Variants in RIC8B observed in about 807,000 individuals in gnomAD.
RIC8B encodes the protein chaperone Ric-8B.
A neutral mutation model predicts 57.5 loss-of-function variants in RIC8B; 16 were observed. That is an observed-to-expected ratio of 0.28 (90% CI 0.19 to 0.42). The LOEUF (loss-of-function observed/expected upper bound fraction) is 0.42. Among genes scored for constraint, RIC8B ranks in the 10% least tolerant of loss-of-function variants. The pLI is 1.00. For synonymous variants in RIC8B, 216 were observed against 250.8 expected (o/e 0.86, Z 1.31); for missense variants, 481 against 677.0 (o/e 0.71, Z 3.21).
At position 106,879,347 on chromosome 12, in the gene RIC8B, G is replaced by A. The variant is rs537016343; in HGVS notation, c.1572-6557G>A. The A allele has an allele frequency of 3.0e-6, 3 of 985,228 alleles. No homozygotes were observed. In the South Asian group the frequency reaches 1.4e-4, roughly 46 times the overall value. The allele number at this position is 985,228 out of a possible 1,614,324, so 61.0% of individuals were successfully genotyped here. ...CTGACCTATTCTATATTGTGCGATT[G>A]GGTATGTTAGTATCTGAACCCCAAT... On this transcript the variant is annotated intron_variant, in intron 9 of 9. Coordinates refer to ENST00000392837, the MANE Select transcript of RIC8B (RefSeq NM_001330145.2). This position sits in a 1 kb window ranked among gnomAD's most constrained non-coding sequence, Gnocchi z 4.9.
At chr12:106,800,044 T>G (rs1368258227) in intron 2 of RIC8B, among the ~76,000 whole-genome samples, 1 of 152,150 alleles carries the variant, frequency 6.6e-6, no homozygotes, top group African/African-American at 2.4e-5. Flanking sequence ...TAACCACTTC[T>G]TTGTATGCAT....
At chr12:106,825,442 C>T (rs1159844630) in intron 3 of RIC8B, among the ~76,000 whole-genome samples, 1 of 151,944 alleles carries the variant, frequency 6.6e-6, no homozygotes, top group Non-Finnish European at 1.5e-5. Flanking sequence ...ATAGAAAAAA[C>T]GAATTTAGGC....
chr12:106,816,664 A>G (rs959088411), intron 3 of RIC8B, among the ~76,000 whole-genome samples: 4 of 152,186 alleles, frequency 2.6e-5, no homozygotes, highest in African/African-American at 9.7e-5. Flanking sequence ...TATTTAAATT[A>G]TACCCAAAAT....
chr12:106,843,723 C>CAAA (rs11384376), intron 5 of RIC8B, 129 bp from the exon 6 acceptor site: 306 of 256,402 alleles, frequency 1.2e-3, no homozygotes, highest in East Asian at 1.8e-3. Flanking sequence ...CTCCCTCTCC[C>CAAA]AAAAAAAAAA....
At chr12:106,778,509 G>A (rs976503542) in intron 1 of RIC8B, among the ~76,000 whole-genome samples, 2 of 152,110 alleles carry the variant, frequency 1.3e-5, no homozygotes, top group Non-Finnish European at 2.9e-5. Context: ...TTTATTGAGT[G>A]CCTGCTATGT....
At chr12:106,809,912 T>A (rs2045255455) in intron 2 of RIC8B, among the ~76,000 whole-genome samples, 1 of 152,190 alleles carries the variant, frequency 6.6e-6, no homozygotes, top group East Asian at 1.9e-4. Flanking sequence ...CCTGTTGGGC[T>A]ACTGAACACT....
Position 106,851,544 on chromosome 12 carries a change from G to A in RIC8B, c.1256G>A (p.Gly419Glu). 1.2e-6 allele frequency: 2 copies of A among 1,613,368 alleles called. No individual in the cohort carries two copies. Among genetic ancestry groups the A allele is most frequent in the East Asian group, 2.2e-5 (1 of 44,860 alleles). ...LVRLMTHVDL[G>E]VKQIAAEFLF... is the part of the protein sequence containing the mutation. ...CGCCTCATGACACATGTTGACCTTGGAGTCAAGCAAATTGCTGCTGAATTC... is the reference window on the plus strand; with the variant it reads ...CGCCTCATGACACATGTTGACCTTGAAGTCAAGCAAATTGCTGCTGAATTC... Residue 419 changes from glycine to glutamate, a missense_variant, in exon 7 of 10, where the codon GGA (glycine) becomes GAA (glutamate). By Grantham distance (98) the Gly-to-Glu change is moderately conservative (BLOSUM62 -2). This residue lies in a region of RIC8B where 421 missense variants were observed against 560.9 expected (regional missense o/e 0.75). Coordinates refer to ENST00000392837, the MANE Select transcript of RIC8B (RefSeq NM_001330145.2).
At chr12:106,842,839 C>A in intron 5 of RIC8B, 22 bp downstream of exon 5, 1 of 1,462,696 alleles carries the variant, frequency 6.8e-7, no homozygotes, top group Non-Finnish European at 9.6e-7. Context: ...AAAATGGAAG[C>A]CCTGGGAAGA....
chr12:106,785,810 T>C (rs1330531497), intron 2 of RIC8B, among the ~76,000 whole-genome samples: 1 of 122,626 alleles, frequency 8.2e-6, no homozygotes, highest in Non-Finnish European at 1.7e-5. Flanking sequence ...TCTCTCTCTC[T>C]CTCTGTGTGT....
intron 2 of RIC8B, among the ~76,000 whole-genome samples, chr12:106,789,048 C>T (rs1019834330): frequency 6.6e-6 from 1 of 152,208 alleles, no homozygotes; most frequent in African/African-American, 2.4e-5. Context: ...GAATGTGTTG[C>T]TGCTTAGAAA....
intron 1 of RIC8B, 70 bp downstream of exon 1, chr12:106,774,899 C>A: frequency 9.0e-7 from 1 of 1,111,854 alleles, no homozygotes; most frequent in Non-Finnish European, 1.3e-6. Context: ...CACATCGCAT[C>A]CTTCCCCACC....
intron 3 of RIC8B, among the ~76,000 whole-genome samples, chr12:106,819,854 A>C (rs1332679298): frequency 6.6e-6 from 1 of 151,100 alleles, no homozygotes; most frequent in Non-Finnish European, 1.5e-5. Context: ...ATAAGGAAAG[A>C]TGTATCAACC....
chr12:106,804,506 G>A (rs1041813614), intron 2 of RIC8B, among the ~76,000 whole-genome samples: 3 of 152,152 alleles, frequency 2.0e-5, no homozygotes, highest in Non-Finnish European at 4.4e-5. Context: ...CCATGCCTAG[G>A]CTGAAGTAGG....
intron 4 of RIC8B, among the ~76,000 whole-genome samples, chr12:106,828,687 G>A (rs2046221222): frequency 6.6e-6 from 1 of 152,192 alleles, no homozygotes; most frequent in African/African-American, 2.4e-5. Flanking sequence ...GGCACTTGCT[G>A]CCGCTGCTGC....
intron 4 of RIC8B, among the ~76,000 whole-genome samples, chr12:106,840,375 T>C (rs1328457872): frequency 6.6e-6 from 1 of 152,166 alleles, no homozygotes; most frequent in Non-Finnish European, 1.5e-5. Context: ...CATGTCTCAG[T>C]GATTAATGAT....
At chr12:106,825,943 G>A in intron 4 of RIC8B, 123 bp downstream of exon 4, 1 of 648,074 alleles carries the variant, frequency 1.5e-6, no homozygotes, top group Non-Finnish European at 2.8e-6. Context: ...TCAGGTAACT[G>A]GTAGGTCAGA....
rs531826048 is a variant in RIC8B, at chr12:106,774,729, C to T, written c.-17C>T. On this transcript the variant is annotated 5_prime_UTR_variant, in exon 1 of 10. Coordinates refer to ENST00000392837, the MANE Select transcript of RIC8B (RefSeq NM_001330145.2). The stretch of plus-strand genomic sequence containing the variant: ...TTGGGCGCGCAGAGCGGCCGCGGCT[C>T]CCCCGCACCTGCGGCCATGGATGAG... The T allele has an allele frequency of 6.6e-4, 1,012 of 1,544,772 alleles. 6 individuals carry two copies. The African/African-American group carries it at 0.013, about 19-fold the overall frequency.
intron 2 of RIC8B, among the ~76,000 whole-genome samples, chr12:106,808,840 T>C (rs906219315): frequency 1.3e-5 from 2 of 152,226 alleles, no homozygotes; most frequent in African/African-American, 4.8e-5. Flanking sequence ...ATAAAACTTT[T>C]AATTTTTTAA....
intron 2 of RIC8B, among the ~76,000 whole-genome samples, chr12:106,792,330 G>T (rs1476095733): frequency 6.6e-6 from 1 of 152,122 alleles, no homozygotes; most frequent in Non-Finnish European, 1.5e-5. Flanking sequence ...AGAAAGCAAG[G>T]ACAGGACAGC....
Sources: gnomAD v4.1 joint callset for allele counts (sites outside exome capture counted in the v4.1 genomes callset) on GRCh38, gnomAD v4.1.1 for gene constraint, gnomAD v4.1.1 regional missense constraint, Gnocchi (gnomAD v3.1) non-coding constraint, MANE v1.5 for transcripts, NCBI Gene and HGNC (gene_info 2026-07-23, HGNC 2026-07-21) for gene names.